ZNF555: variants seen among roughly 807,000 people sequenced by gnomAD.
ZNF555 encodes the protein zinc finger protein 555.
In ZNF555, 10 loss-of-function variants were observed where a neutral mutation model predicts 14.0. The observed-to-expected ratio is 0.72, with a 90% CI of 0.44 to 1.21. The LOEUF is 1.21. Ranked by LOEUF, ZNF555 falls within the 50% of genes most tolerant of loss-of-function variation. The probability of loss-of-function intolerance (pLI) is 0.00; values close to 1 mark genes in which losing one functional copy is unlikely to be tolerated. For missense variants in ZNF555, 747 were observed against 762.0 expected (o/e 0.98, Z 0.23); for synonymous variants, 277 against 262.4 (o/e 1.06, Z -0.54).
Position 2,856,520 on chromosome 19 carries a change from T to C in ZNF555, c.*2568T>C, listed in dbSNP as rs2087684591. The C allele has an allele frequency of 1.3e-5, 2 of 152,204 alleles. No homozygotes were observed. The highest frequency in any genetic ancestry group is 1.3e-4 in the Admixed American group (2 of 15,282). The allele number at this position is 152,204 out of a possible 1,614,324, so 9.4% of individuals were successfully genotyped here. ...ACACCCGGCCTAAAATGATTTCTTA[T>C]TTGTGGTTAATAACAATTAAAAAGC... On this transcript the variant is annotated 3_prime_UTR_variant, in exon 4 of 4. Transcript: ENST00000334241.
chr19:2,842,308 C>A (rs1459975210), intron 1 of ZNF555, among the ~76,000 whole-genome samples: 2 of 152,190 alleles, frequency 1.3e-5, no homozygotes, highest in Non-Finnish European at 2.9e-5. Flanking sequence ...GGAAAAAAAA[C>A]AAGGGTTCCT....
rs1313275008 is a variant in ZNF555 at position 2,852,855 on chromosome 19, G to A, written c.790G>A (p.Ala264Thr). 6.2e-7 allele frequency: 1 copy of A among 1,614,236 alleles called. No homozygotes were observed. Among genetic ancestry groups the A allele is most frequent in the Non-Finnish European group, 8.5e-7 (1 of 1,180,042 alleles). Residue 264 changes from alanine (A) to threonine (T), a missense_variant, in exon 4 of 4, where the codon GCT becomes ACT. By Grantham distance (58) the Ala-to-Thr change is moderately conservative. Coordinates refer to ENST00000334241, the MANE Select transcript of ZNF555 (RefSeq NM_152791.5). The stretch of plus-strand genomic sequence containing the variant: ...ATATAAGTGTAAGGAATGTGGGAAA[G>A]CTTTCAGTTATTCCTCAACGTTTCG... Reference protein sequence around the residue: ...KPYKCKECGKAFSYSSTFRRH... With the variant: ...KPYKCKECGKTFSYSSTFRRH...
At chr19:2,843,469 A>T (rs888710776) in intron 1 of ZNF555, among the ~76,000 whole-genome samples, 2 of 152,222 alleles carry the variant, frequency 1.3e-5, no homozygotes, top group Non-Finnish European at 2.9e-5. Flanking sequence ...TCCAGGGCCT[A>T]AACTTCAAAA....
intron 1 of ZNF555, among the ~76,000 whole-genome samples, chr19:2,843,829 A>T (rs1008972029): frequency 2.0e-5 from 3 of 152,148 alleles, no homozygotes; most frequent in Non-Finnish European, 2.9e-5. Context: ...TTCCCCGAAC[A>T]CAGGGGCTGC....
At position 2,853,344 on chromosome 19, in the gene ZNF555, A is replaced by G. The variant is rs777703035; in HGVS notation, c.1279A>G (p.Lys427Glu). 1.8e-5 allele frequency: 29 copies of G among 1,614,052 alleles called. No homozygotes were observed. Among genetic ancestry groups the G allele is most frequent in the Non-Finnish European group, 5.1e-6 (6 of 1,180,010 alleles). Residue 427 changes from lysine (K) to glutamate (E), a missense_variant, in exon 4 of 4, where the codon AAG (lysine) becomes GAG (glutamate). Coordinates refer to ENST00000334241, the MANE Select transcript of ZNF555 (RefSeq NM_152791.5). ...VHTGEKPYEC[K>E]QCGKTFNWPI... The stretch of plus-strand genomic sequence containing the variant: ...CACTGGAGAGAAACCCTATGAGTGC[A>G]AGCAATGTGGGAAAACTTTCAATTG...
intron 2 of ZNF555, 80 bp from the exon 3 acceptor site, chr19:2,851,388 C>T (rs1291142100): frequency 8.5e-7 from 1 of 1,178,580 alleles, no homozygotes; most frequent in Non-Finnish European, 1.2e-6. Context: ...TTAATGAAGT[C>T]CTGAGATAGC....
chr19:2,853,868 A>T lies in ZNF555; in HGVS notation c.1803A>T (p.Ala601=). 6.2e-7 allele frequency: 1 copy of T among 1,614,114 alleles called. No homozygotes were observed. Among genetic ancestry groups the T allele is most frequent in the South Asian group, 1.1e-5 (1 of 91,088 alleles). ...AGTGTAATGTAGGACATCCTCCTGC[A>T]AATGAATTCATGTGCAGTGCTTCAG... ...QYKCNVGHPP[A]NEFMCSASEK... is the part of the protein sequence containing the mutation. Residue 601 remains alanine (A), a synonymous_variant, in exon 4 of 4, where the codon GCA becomes GCT. Coordinates refer to ENST00000334241, the MANE Select transcript of ZNF555 (RefSeq NM_152791.5).
rs2087698014 is a variant in ZNF555, at chr19:2,857,954, T to A, written c.*4002T>A. The A allele has an allele frequency of 6.6e-6, 1 of 152,214 alleles. No homozygotes were observed. The highest frequency in any genetic ancestry group is 2.1e-4 in the South Asian group (1 of 4,836). 9.4% of individuals were successfully genotyped at this position (152,214 alleles called of 1,614,324 possible). ...CTGTAATCTCAACATTTTGGGAGAC[T>A]GAGGCAAGAGGATCACTTGAAGTCA... On this transcript the variant is annotated 3_prime_UTR_variant, in exon 4 of 4. Coordinates refer to ENST00000334241, the MANE Select transcript of ZNF555 (RefSeq NM_152791.5).
Position 2,850,999 on chromosome 19 carries a change from A to ATT in ZNF555, c.130+302_130+303dup, listed in dbSNP as rs10713167. Among the ~76,000 whole-genome samples the ATT allele has an allele frequency of 6.0e-3, 822 of 136,718 alleles. 15 individuals are homozygous for ATT. Among genetic ancestry groups the ATT allele is most frequent in the African/African-American group, 0.02 (727 of 36,702 alleles). 89.7% of individuals were successfully genotyped at this position (136,718 alleles called of 152,430 possible). A position where few individuals can be genotyped will look rare whatever the true frequency, so the allele number is the denominator to read the frequency against. On this transcript the variant is annotated intron_variant, in intron 2 of 3. Transcript: ENST00000334241. ...GTTTGTGCAAGCCAGTGAAAATTTGATTTTTTTTTTTTTTTTTGAGATGGA... is the reference window on the plus strand; with the variant it reads ...GTTTGTGCAAGCCAGTGAAAATTTGATTTTTTTTTTTTTTTTTTTGAGATGGA...
At position 2,851,657 on chromosome 19, in the gene ZNF555, T is replaced by C. The variant is rs961295821; in HGVS notation, c.314+6T>C. 1 of 1,558,822 alleles carries C rather than the reference T, an allele frequency of 6.4e-7. No homozygotes were observed. Among genetic ancestry groups the C allele is most frequent in the African/African-American group, 1.4e-5 (1 of 72,306 alleles). Reference sequence around the variant, plus strand: ...AACCAGGGGAGAAATCTCAGGTGAGTTGCACTCACAAGAGAACATAGTATT... The same window carrying C: ...AACCAGGGGAGAAATCTCAGGTGAGCTGCACTCACAAGAGAACATAGTATT... On this transcript the variant is annotated splice_donor_region_variant and intron_variant, in intron 3 of 3. Coordinates refer to ENST00000334241, the MANE Select transcript of ZNF555 (RefSeq NM_152791.5).
In ZNF555 at chr19:2,853,507, A is replaced by G. The variant is rs565298462; in HGVS notation, c.1442A>G (p.Glu481Gly). 3 of 1,614,210 alleles carry G rather than the reference A, an allele frequency of 1.9e-6. No homozygotes were observed. The highest frequency in any genetic ancestry group is 1.7e-6 in the Non-Finnish European group (2 of 1,180,032). The change falls in exon 4 of 4, where the codon GAA (glutamate) becomes GGA (glycine). Residue 481 changes from glutamate to glycine, a missense_variant. By Grantham distance (98) the Glu-to-Gly change is moderately conservative. Transcript: ENST00000334241. ...ATGCACCCTGAAGACAAATCCTATGAATGCAAGCTATGTGGGAAAGCTTTC... is the reference window on the plus strand; with the variant it reads ...ATGCACCCTGAAGACAAATCCTATGGATGCAAGCTATGTGGGAAAGCTTTC... ...VRMHPEDKSY[E>G]CKLCGKAFYC...
Position 2,851,597 on chromosome 19 carries a change from T to A in ZNF555, c.260T>A (p.Ile87Asn). The A allele has an allele frequency of 6.2e-7, 1 of 1,611,200 alleles. No homozygotes were observed. Among genetic ancestry groups the A allele is most frequent in the Non-Finnish European group, 8.5e-7 (1 of 1,179,258 alleles). Reference protein sequence around the residue: ...NVSWASVLGKIWDSLSIEDQT... With the variant: ...NVSWASVLGKNWDSLSIEDQT... ...TCCTGGGCCTCTGTTTTAGGAAAAATTTGGGACAGTCTTAGCATCGAAGAT... is the reference window on the plus strand; with the variant it reads ...TCCTGGGCCTCTGTTTTAGGAAAAAATTGGGACAGTCTTAGCATCGAAGAT... The change falls in exon 3 of 4, where the codon ATT (isoleucine) becomes AAT (asparagine). Residue 87 changes from isoleucine to asparagine, a missense_variant. Coordinates refer to ENST00000334241, the MANE Select transcript of ZNF555 (RefSeq NM_152791.5).
intron 1 of ZNF555, among the ~76,000 whole-genome samples, chr19:2,842,028 C>T (rs990397224): frequency 6.6e-6 from 1 of 151,998 alleles, no homozygotes; most frequent in Admixed American, 6.5e-5. Context: ...GCGGTGCCTC[C>T]TGGGGTGCGG....
chr19:2,854,737 A>C lies in ZNF555; in HGVS notation c.*785A>C, dbSNP rs1306904571. On this transcript the variant is annotated 3_prime_UTR_variant, in exon 4 of 4. Coordinates refer to ENST00000334241, the MANE Select transcript of ZNF555 (RefSeq NM_152791.5). The stretch of plus-strand genomic sequence containing the variant: ...AAGAGTACCATCAAAAGAAACACTT[A>C]AGTGCTTGATTTCCACTGTGTCAGA... The C allele has an allele frequency of 6.6e-6, 1 of 152,176 alleles. No homozygotes were observed. Among genetic ancestry groups the C allele is most frequent in the Non-Finnish European group, 1.5e-5 (1 of 68,054 alleles). The allele number at this position is 152,176 out of a possible 1,614,324, so 9.4% of individuals were successfully genotyped here.
intron 3 of ZNF555, among the ~76,000 whole-genome samples, chr19:2,852,139 C>T (rs2087635175): frequency 9.2e-6 from 1 of 108,158 alleles, no homozygotes; most frequent in Non-Finnish European, 1.9e-5. Context: ...CAGAGTAAGA[C>T]TCTGTCTCAA....
rs959471552 is a variant in ZNF555, at chr19:2,858,963, G to C, written c.*5011G>C. The C allele has an allele frequency of 6.6e-6, 1 of 152,524 alleles. No individual in the cohort carries two copies. The highest frequency in any genetic ancestry group is 1.5e-5 in the Non-Finnish European group (1 of 68,308). 9.4% of individuals were successfully genotyped at this position (152,524 alleles called of 1,614,324 possible). A position where few individuals can be genotyped will look rare whatever the true frequency, so the allele number is the denominator to read the frequency against. On this transcript the variant is annotated 3_prime_UTR_variant, in exon 4 of 4. Coordinates refer to ENST00000334241, the MANE Select transcript of ZNF555 (RefSeq NM_152791.5). ...GCCTATCGCGCCCCAAGCTCCTCAC[G>C]TGCCTCCTCCCCACAGTCCAGGACG...
Position 2,851,543 on chromosome 19 carries a change from C to G in ZNF555, c.206C>G (p.Ser69Cys). The G allele has an allele frequency of 6.2e-7, 1 of 1,612,792 alleles. No homozygotes were observed. Among genetic ancestry groups the G allele is most frequent in the Non-Finnish European group, 8.5e-7 (1 of 1,179,708 alleles). ...TATGGAGAGAAAATACCCAAGGAAT[C>G]TAAAATAGCCACGTTCACCAGAAAT... ...DIYGEKIPKE[S>C]KIATFTRNVS... The change falls in exon 3 of 4, where the codon TCT becomes TGT. Residue 69 changes from serine (S) to cysteine (C), a missense_variant. Coordinates refer to ENST00000334241, the MANE Select transcript of ZNF555 (RefSeq NM_152791.5).
chr19:2,841,633 G>T, intron 1 of ZNF555, 58 bp downstream of exon 1: 1 of 1,453,098 alleles, frequency 6.9e-7, no homozygotes. Context: ...GCGACCGCCC[G>T]AGACCGCGGC....
intron 1 of ZNF555, among the ~76,000 whole-genome samples, chr19:2,841,895 G>C (rs1462243902): frequency 6.6e-6 from 1 of 151,722 alleles, no homozygotes; most frequent in Non-Finnish European, 1.5e-5. Context: ...GCCCCGCCCG[G>C]GGCCGCGACG....
Sources: gnomAD v4.1 joint callset for allele counts (sites outside exome capture counted in the v4.1 genomes callset) on GRCh38, gnomAD v4.1.1 for gene constraint, MANE v1.5 for transcripts, NCBI Gene and HGNC (gene_info 2026-07-23, HGNC 2026-07-21) for gene names.